Variants in KIAA2012 observed in about 807,000 individuals in gnomAD.
KIAA2012 encodes uncharacterized protein KIAA2012.
Under a neutral mutation model 150.6 loss-of-function variants are expected in KIAA2012, and 125 were observed. That is an observed-to-expected ratio of 0.83 (90% CI 0.72 to 0.96). The LOEUF (loss-of-function observed/expected upper bound fraction) is 0.96. Ranked by LOEUF, KIAA2012 falls within the 40% of genes least tolerant of loss-of-function variation. The probability of loss-of-function intolerance (pLI) is 0.00; values close to 1 mark genes in which losing one functional copy is unlikely to be tolerated. For missense variants in KIAA2012, 1,219 were observed against 1,354.9 expected (o/e 0.90, Z 1.57); for synonymous variants, 462 against 504.7 (o/e 0.92, Z 1.13).
chr2:202,201,670 G>T (rs1692528845), intron 22 of KIAA2012: 3 of 1,610,370 alleles, frequency 1.9e-6, no homozygotes, highest in Non-Finnish European at 2.5e-6. Flanking sequence ...TGGGCCATGG[G>T]AAGATACAGA....
Position 202,073,706 on chromosome 2 carries a change from C to G in KIAA2012, c.79C>G (p.Pro27Ala). ...DKQKLEVYFE[P>A]EDYLNWRSPE... ...ACAGAAGTTAGAAGTCTACTTTGAA[C>G]CAGAGGTGAGTCCCACAGCTGAAGA... Residue 27 changes from proline (P) to alanine (A), a missense_variant, in exon 1 of 24, where the codon CCA becomes GCA. Physicochemically the swap from Pro to Ala is conservative, Grantham distance 27. Transcript: ENST00000498697. 1.3e-6 allele frequency: 2 copies of G among 1,550,294 alleles called. No homozygotes were observed. Among genetic ancestry groups the G allele is most frequent in the Non-Finnish European group, 1.7e-6 (2 of 1,146,850 alleles).
At chr2:202,079,961 A>G (rs1476702752) in intron 2 of KIAA2012, among the ~76,000 whole-genome samples, 3 of 152,222 alleles carry the variant, frequency 2.0e-5, no homozygotes, top group African/African-American at 7.2e-5. Flanking sequence ...ACCTCATTCA[A>G]TCTGCACAAG....
At chr2:202,183,248 C>T (rs985728091) in intron 15 of KIAA2012, among the ~76,000 whole-genome samples, 1 of 151,898 alleles carries the variant, frequency 6.6e-6, no homozygotes, top group Admixed American at 6.6e-5. Flanking sequence ...AGTGAGACTC[C>T]GTCTATACGA....
At chr2:202,113,582 C>A in intron 11 of KIAA2012, 136 bp downstream of exon 11, 1 of 619,078 alleles carries the variant, frequency 1.6e-6, no homozygotes, top group Admixed American at 2.9e-5. Flanking sequence ...TCCCCTTTCA[C>A]CGACACAGAG....
At chr2:202,153,310 G>T (rs536125637) in intron 13 of KIAA2012, among the ~76,000 whole-genome samples, 32 of 152,292 alleles carry the variant, frequency 2.1e-4, no homozygotes, top group African/African-American at 7.5e-4. Flanking sequence ...GTGGTCAATG[G>T]TGGGGAGGTG....
intron 12 of KIAA2012, among the ~76,000 whole-genome samples, chr2:202,127,048 T>C (rs1384416633): frequency 1.3e-5 from 2 of 152,112 alleles, no homozygotes; most frequent in African/African-American, 4.8e-5. Context: ...AGACACCCTT[T>C]TGTGGGTAAC....
At chr2:202,177,137 G>T (rs1692007883) in intron 15 of KIAA2012, among the ~76,000 whole-genome samples, 1 of 152,108 alleles carries the variant, frequency 6.6e-6, no homozygotes, top group African/African-American at 2.4e-5. Context: ...ATTAATATGG[G>T]TTAATCCCAA....
intron 14 of KIAA2012, among the ~76,000 whole-genome samples, chr2:202,160,374 C>T (rs568884594): frequency 6.5e-5 from 9 of 138,192 alleles, no homozygotes; most frequent in South Asian, 4.6e-4. Context: ...AGTTCAGTGG[C>T]GTGATCTCGG....
At chr2:202,198,038 G>A (rs1016389773) in intron 22 of KIAA2012, among the ~76,000 whole-genome samples, 1 of 151,814 alleles carries the variant, frequency 6.6e-6, no homozygotes, top group Non-Finnish European at 1.5e-5. Flanking sequence ...GCTGGGCATG[G>A]TGGCAGGCAC....
At chr2:202,147,625 C>A (rs138850839) in intron 13 of KIAA2012, among the ~76,000 whole-genome samples, 10 of 152,256 alleles carry the variant, frequency 6.6e-5, no homozygotes, top group Non-Finnish European at 1.0e-4. Flanking sequence ...CTTTTATGGG[C>A]GAGTCTGGGA....
At chr2:202,133,935 G>T (rs1691010723) in intron 12 of KIAA2012, among the ~76,000 whole-genome samples, 1 of 151,954 alleles carries the variant, frequency 6.6e-6, no homozygotes, top group African/African-American at 2.4e-5. Flanking sequence ...AAGGTCAGAA[G>T]GACCAAAATT....
At chr2:202,165,487 C>T (rs1272753137) in intron 15 of KIAA2012, 131 bp downstream of exon 15, 3 of 819,912 alleles carry the variant, frequency 3.7e-6, no homozygotes, top group Non-Finnish European at 5.8e-6. Flanking sequence ...TTTGTGAGGC[C>T]AAGGCGGGTG....
At chr2:202,138,238 A>T (rs1691120688) in intron 12 of KIAA2012, 194 bp from the exon 13 acceptor site, 3 of 512,942 alleles carry the variant, frequency 5.8e-6, no homozygotes, top group Non-Finnish European at 1.0e-5. Flanking sequence ...TATGTTTAAC[A>T]TGGTGTTTAG....
In KIAA2012 at chr2:202,196,999, A is replaced by G; in HGVS notation, c.3387A>G (p.Lys1129=). 6.4e-7 allele frequency: 1 copy of G among 1,550,622 alleles called. No homozygotes were observed. Among genetic ancestry groups the G allele is most frequent in the Non-Finnish European group, 8.7e-7 (1 of 1,146,990 alleles). ...AARLALEEAT[K]QAQEQARQKA... Reference sequence around the variant, plus strand: ...GACTGGCTCTGGAAGAAGCCACGAAACAAGCCCAGGAACAAGCCAGGTACT... The same window carrying G: ...GACTGGCTCTGGAAGAAGCCACGAAGCAAGCCCAGGAACAAGCCAGGTACT... Residue 1129 remains lysine (K), a synonymous_variant, in exon 22 of 24, where the codon AAA becomes AAG. Transcript: ENST00000498697.
intron 14 of KIAA2012, among the ~76,000 whole-genome samples, chr2:202,156,752 G>A (rs539665618): frequency 6.6e-6 from 1 of 152,158 alleles, no homozygotes; most frequent in African/African-American, 2.4e-5. Context: ...GGGTGTGGTG[G>A]TGGGCACCTG....
At position 202,097,589 on chromosome 2, in the gene KIAA2012, T is replaced by C. The variant is rs1689924583; in HGVS notation, c.828+12T>C. The C allele has an allele frequency of 3.0e-6, 1 of 336,010 alleles. No homozygotes were observed. Among genetic ancestry groups the C allele is most frequent in the African/African-American group, 8.2e-5 (1 of 12,150 alleles). The allele number at this position is 336,010 out of a possible 1,614,324, so 20.8% of individuals were successfully genotyped here. On this transcript the variant is annotated intron_variant, in intron 5 of 23. Coordinates refer to ENST00000498697, the MANE Select transcript of KIAA2012 (RefSeq NM_001277372.4). ...AAACGCAGGCAGAGGTACCATTTCT[T>C]TTTTTTTTTTTTTTCCCCGAGACGG... is the stretch of plus-strand genomic sequence containing the variant.
chr2:202,114,611 T>G (rs761290616), intron 11 of KIAA2012: 4 of 165,672 alleles, frequency 2.4e-5, no homozygotes, highest in Non-Finnish European at 4.4e-5. Context: ...AAGGAAATAT[T>G]TAGGCTGTAA....
intron 12 of KIAA2012, among the ~76,000 whole-genome samples, chr2:202,126,614 A>T (rs1575025818): frequency 1.0e-5 from 1 of 97,864 alleles, no homozygotes; most frequent in South Asian, 3.6e-4. Context: ...AAAAATGATG[A>T]TGATGGTGGT....
At chr2:202,124,973 G>A (rs1020821009) in intron 11 of KIAA2012, among the ~76,000 whole-genome samples, 13 of 152,180 alleles carry the variant, frequency 8.5e-5, no homozygotes, top group Non-Finnish European at 1.6e-4. Flanking sequence ...AGGTGGTTGA[G>A]GCAGAAGAAT....
Sources: allele counts gnomAD v4.1 joint callset (sites outside exome capture counted in the v4.1 genomes callset), GRCh38; gene constraint gnomAD v4.1.1; transcripts MANE v1.5; gene names NCBI Gene and HGNC (gene_info 2026-07-23, HGNC 2026-07-21).